The following ARL6IP5 variants were observed in gnomAD, a reference collection of about 807,000 sequenced individuals.
The protein encoded by ARL6IP5 is PRA1 family protein 3.
Under a neutral mutation model 13.0 loss-of-function variants are expected in ARL6IP5, and 6 were observed. That is an observed-to-expected ratio of 0.46 (90% CI 0.25 to 0.91). ARL6IP5 has a LOEUF of 0.91. Among genes scored for constraint, ARL6IP5 ranks in the 40% least tolerant of loss-of-function variants. The pLI is 0.17. For missense variants in ARL6IP5, 208 were observed against 248.8 expected, an observed-to-expected ratio of 0.84 and a Z score of 1.10; for synonymous variants, 91 against 91.9, an observed-to-expected ratio of 0.99 and a Z score of 0.06.
chr3:69,101,409 A>G (rs1453216297), intron 1 of ARL6IP5, among the ~76,000 whole-genome samples: 1 of 148,298 alleles, frequency 6.7e-6, no homozygotes. Flanking sequence ...TGGAGACTCA[A>G]CCTCCCAGGT....
At chr3:69,100,570 A>G (rs762483204) in intron 1 of ARL6IP5, among the ~76,000 whole-genome samples, 16 of 152,120 alleles carry the variant, frequency 1.1e-4, no homozygotes, top group Non-Finnish European at 2.2e-4. Flanking sequence ...ACTTGACGCC[A>G]GGAGTTCAAG....
intron 2 of ARL6IP5, among the ~76,000 whole-genome samples, chr3:69,102,790 T>A (rs1195959127): frequency 6.6e-6 from 1 of 152,246 alleles, no homozygotes; most frequent in Admixed American, 6.5e-5. Context: ...ATAACTAGTG[T>A]TAAAAGTTTG....
Position 69,104,770 on chromosome 3 carries a change from T to C in ARL6IP5, c.*134T>C. On this transcript the variant is annotated 3_prime_UTR_variant, in exon 3 of 3. Coordinates refer to ENST00000273258, the MANE Select transcript of ARL6IP5 (RefSeq NM_006407.4). The stretch of plus-strand genomic sequence containing the variant: ...AATTATCTATGGCAGCATGCATGTA[T>C]AGGCCGAACTATTATCAGCTCTGAT... The C allele has an allele frequency of 1.0e-6, 1 of 967,644 alleles. No individual in the cohort carries two copies. Among genetic ancestry groups the C allele is most frequent in the East Asian group, 2.6e-5 (1 of 38,458 alleles). 59.9% of individuals were successfully genotyped at this position (967,644 alleles called of 1,614,324 possible).
intron 1 of ARL6IP5, among the ~76,000 whole-genome samples, chr3:69,093,019 G>C (rs965134434): frequency 2.0e-5 from 3 of 152,084 alleles, no homozygotes; most frequent in Non-Finnish European, 4.4e-5. Context: ...TTTCCATAAT[G>C]AAAAGTTAAA....
intron 1 of ARL6IP5, among the ~76,000 whole-genome samples, chr3:69,093,772 A>AAAAAC (rs1553685751): frequency 2.0e-5 from 3 of 147,264 alleles, no homozygotes; most frequent in African/African-American, 7.5e-5. Flanking sequence ...AAAAAAAAAA[A>AAAAAC]AAAAGAAAAG....
intron 1 of ARL6IP5, among the ~76,000 whole-genome samples, chr3:69,088,434 A>G (rs1344919178): frequency 6.6e-6 from 1 of 152,216 alleles, no homozygotes; most frequent in African/African-American, 2.4e-5. Flanking sequence ...GCATTGTAGG[A>G]GTGCTCTAGC....
intron 1 of ARL6IP5, among the ~76,000 whole-genome samples, chr3:69,091,670 T>G (rs1480203607): frequency 6.7e-6 from 1 of 149,998 alleles, no homozygotes; most frequent in East Asian, 1.9e-4. Flanking sequence ...TTTTTTTTTT[T>G]TTTTCAATGT....
intron 2 of ARL6IP5, 165 bp downstream of exon 2, chr3:69,102,221 A>G (rs984295038): frequency 4.4e-6 from 3 of 686,090 alleles, no homozygotes; most frequent in Non-Finnish European, 4.9e-6. Context: ...CAGATAACAC[A>G]GAACTGAGGT....
chr3:69,098,330 C>T (rs2092293690), intron 1 of ARL6IP5, among the ~76,000 whole-genome samples: 1 of 150,910 alleles, frequency 6.6e-6, no homozygotes, highest in South Asian at 2.1e-4. Flanking sequence ...CTACAACCTC[C>T]GCCTCCCAGG....
At chr3:69,102,184 G>C in intron 2 of ARL6IP5, 128 bp downstream of exon 2, 2 of 992,320 alleles carry the variant, frequency 2.0e-6, no homozygotes, top group Non-Finnish European at 3.0e-6. Flanking sequence ...TTCTAAAACA[G>C]CTTTCTACTT....
intron 1 of ARL6IP5, among the ~76,000 whole-genome samples, chr3:69,100,456 A>G (rs890538783): frequency 2.0e-5 from 3 of 152,138 alleles, no homozygotes; most frequent in Non-Finnish European, 4.4e-5. Context: ...AGGTTATGTA[A>G]GAGAGCGATT....
intron 1 of ARL6IP5, among the ~76,000 whole-genome samples, chr3:69,098,398 C>T (rs947387671): frequency 6.6e-6 from 1 of 152,086 alleles, no homozygotes; most frequent in East Asian, 1.9e-4. Flanking sequence ...CTCCCGCCAC[C>T]GAGCCCAACT....
At chr3:69,101,161 C>A (rs2092304152) in intron 1 of ARL6IP5, among the ~76,000 whole-genome samples, 1 of 151,954 alleles carries the variant, frequency 6.6e-6, no homozygotes, top group African/African-American at 2.4e-5. Flanking sequence ...TTAAATAAAC[C>A]TTTAGAGCTA....
chr3:69,104,881 A>G lies in ARL6IP5; in HGVS notation c.*245A>G. ...GTTTCACGTGTGTTTATGAAATCTA[A>G]TGGGAAATGGATCACACGATTTCTT... On this transcript the variant is annotated 3_prime_UTR_variant, in exon 3 of 3. Transcript: ENST00000273258. 2 of 703,390 alleles carry G rather than the reference A, an allele frequency of 2.8e-6. No homozygotes were observed. The highest frequency in any genetic ancestry group is 5.2e-6 in the Non-Finnish European group (2 of 385,590). The allele number at this position is 703,390 out of a possible 1,614,324, so 43.6% of individuals were successfully genotyped here. A position where few individuals can be genotyped will look rare whatever the true frequency, so the allele number is the denominator to read the frequency against.
chr3:69,094,670 G>A (rs1045592804), intron 1 of ARL6IP5, among the ~76,000 whole-genome samples: 2 of 152,178 alleles, frequency 1.3e-5, no homozygotes, highest in Admixed American at 1.3e-4. Context: ...ATATTTTGCT[G>A]CCTCTTTGGT....
chr3:69,104,992 T>C lies in ARL6IP5; in HGVS notation c.*356T>C, dbSNP rs2092318300. On this transcript the variant is annotated 3_prime_UTR_variant, in exon 3 of 3. Transcript: ENST00000273258. ...TAGGAAAAAAAAAATCATTGTAAAGTATCAAGACAATACGAGTAAATGAAA... is the reference window on the plus strand; with the variant it reads ...TAGGAAAAAAAAAATCATTGTAAAGCATCAAGACAATACGAGTAAATGAAA... 3.0e-6 allele frequency: 2 copies of C among 659,568 alleles called. No individual in the cohort carries two copies. The highest frequency in any genetic ancestry group is 5.4e-5 in the East Asian group (2 of 37,010). 40.9% of individuals were successfully genotyped at this position (659,568 alleles called of 1,614,324 possible). A position where few individuals can be genotyped will look rare whatever the true frequency, so the allele number is the denominator to read the frequency against.
At chr3:69,098,630 A>T (rs1195423433) in intron 1 of ARL6IP5, among the ~76,000 whole-genome samples, 1 of 152,044 alleles carries the variant, frequency 6.6e-6, no homozygotes, top group Admixed American at 6.6e-5. Context: ...ACTTCAAAAG[A>T]TCCACCCACC....
intron 1 of ARL6IP5, among the ~76,000 whole-genome samples, chr3:69,094,972 C>T (rs1017921091): frequency 1.3e-5 from 2 of 152,060 alleles, no homozygotes; most frequent in African/African-American, 4.8e-5. Flanking sequence ...TGTATCCACA[C>T]CCACTAATAG....
chr3:69,104,557 G>T lies in ARL6IP5; in HGVS notation c.488G>T (p.Gly163Val). 3 of 1,614,064 alleles carry T rather than the reference G, an allele frequency of 1.9e-6. No homozygotes were observed. Among genetic ancestry groups the T allele is most frequent in the Non-Finnish European group, 2.5e-6 (3 of 1,179,946 alleles). ...EGIGLKRTPM[G>V]IVLDALEQQE... is the part of the protein sequence containing the mutation. Reference sequence around the variant, plus strand: ...ATAGGTTTGAAGAGGACACCGATGGGCATTGTCCTGGATGCCCTAGAACAG... The same window carrying T: ...ATAGGTTTGAAGAGGACACCGATGGTCATTGTCCTGGATGCCCTAGAACAG... Residue 163 changes from glycine to valine, a missense_variant, in exon 3 of 3, where the codon GGC (glycine) becomes GTC (valine). Gly to Val is a moderately radical substitution (Grantham distance 109). Coordinates refer to ENST00000273258, the MANE Select transcript of ARL6IP5 (RefSeq NM_006407.4).
Sources: gnomAD v4.1 joint callset for allele counts (sites outside exome capture counted in the v4.1 genomes callset) on GRCh38, gnomAD v4.1.1 for gene constraint, MANE v1.5 for transcripts, NCBI Gene and HGNC (gene_info 2026-07-23, HGNC 2026-07-21) for gene names.